TOX: variants seen among roughly 807,000 people sequenced by gnomAD.
The protein encoded by TOX is thymocyte selection associated high mobility group box, also known as thymocyte selection-associated high mobility group box protein TOX.
TOX carries 11 observed loss-of-function variants against 53.7 expected under a neutral mutation model. The observed-to-expected ratio is 0.20, with a 90% CI of 0.13 to 0.34. The LOEUF (loss-of-function observed/expected upper bound fraction) is 0.34. Ranked by LOEUF, TOX falls within the 10% of genes least tolerant of loss-of-function variation. TOX has a pLI of 1.00. For missense variants in TOX, 570 were observed against 664.6 expected, an observed-to-expected ratio of 0.86 and a Z score of 1.56; for synonymous variants, 225 against 245.3, an observed-to-expected ratio of 0.92 and a Z score of 0.77.
chr8:59,072,976 T>C (rs191953124), intron 1 of TOX, among the ~76,000 whole-genome samples: 30 of 152,318 alleles, frequency 2.0e-4, no homozygotes, highest in African/African-American at 4.6e-4. Flanking sequence ...ACATCAAATA[T>C]GTGACAGGGC....
intron 1 of TOX, among the ~76,000 whole-genome samples, chr8:58,962,372 T>C (rs1347818906): frequency 6.6e-6 from 1 of 152,216 alleles, no homozygotes; most frequent in Non-Finnish European, 1.5e-5. Context: ...ATGTATTAAC[T>C]GATTTAAGCA....
chr8:58,906,215 A>G (rs1811812188), intron 3 of TOX, among the ~76,000 whole-genome samples: 2 of 152,218 alleles, frequency 1.3e-5, no homozygotes, highest in Admixed American at 1.3e-4. Context: ...CATGTCTACT[A>G]TAAGGGCCAC....
chr8:59,049,445 C>T (rs1009150143), intron 1 of TOX, among the ~76,000 whole-genome samples: 1 of 152,104 alleles, frequency 6.6e-6, no homozygotes, highest in Admixed American at 6.5e-5. Context: ...ACTTCAATAT[C>T]TTGTTGTATT....
intron 3 of TOX, among the ~76,000 whole-genome samples, chr8:58,857,479 A>G (rs1810934702): frequency 6.6e-6 from 1 of 152,180 alleles, no homozygotes; most frequent in Admixed American, 6.5e-5. Context: ...ATTGATGACC[A>G]TTGTCAATTA....
intron 2 of TOX, among the ~76,000 whole-genome samples, chr8:58,959,721 C>T (rs1041773451): frequency 2.6e-5 from 4 of 152,212 alleles, no homozygotes; most frequent in Admixed American, 6.5e-5. Flanking sequence ...AGCTGCCTGA[C>T]GTTCTGGAGA....
intron 4 of TOX, among the ~76,000 whole-genome samples, chr8:58,843,280 C>T (rs1810674297): frequency 6.6e-6 from 1 of 152,182 alleles, no homozygotes; most frequent in African/African-American, 2.4e-5. Flanking sequence ...AAAGGATACA[C>T]ATAAAATATT....
At chr8:58,974,259 A>G (rs1585934980) in intron 1 of TOX, among the ~76,000 whole-genome samples, 1 of 152,204 alleles carries the variant, frequency 6.6e-6, no homozygotes, top group African/African-American at 2.4e-5. Flanking sequence ...CACTGCCCAG[A>G]CCCTGTAGAA....
chr8:59,060,120 T>G (rs1258016623), intron 1 of TOX, among the ~76,000 whole-genome samples: 2 of 152,216 alleles, frequency 1.3e-5, no homozygotes, highest in Admixed American at 6.5e-5. Flanking sequence ...TGCTATTACC[T>G]TATCATTTTA....
intron 6 of TOX, among the ~76,000 whole-genome samples, chr8:58,817,336 G>A (rs1199780138): frequency 6.6e-6 from 1 of 151,586 alleles, no homozygotes; most frequent in Non-Finnish European, 1.5e-5. Flanking sequence ...TTAAGGGGAG[G>A]TTTTAGATCA....
At chr8:59,077,650 G>T (rs181689660) in intron 1 of TOX, among the ~76,000 whole-genome samples, 1 of 152,180 alleles carries the variant, frequency 6.6e-6, no homozygotes, top group African/African-American at 2.4e-5. Context: ...GAAGGTTCCA[G>T]ATAGCCTTGA....
intron 3 of TOX, among the ~76,000 whole-genome samples, chr8:58,897,493 T>A (rs761295139): frequency 2.4e-4 from 36 of 152,214 alleles, no homozygotes; most frequent in Admixed American, 3.9e-4. Context: ...AAGAGAAATT[T>A]ATCACTCAAA....
At chr8:59,078,177 C>T (rs1804328430) in intron 1 of TOX, among the ~76,000 whole-genome samples, 1 of 152,194 alleles carries the variant, frequency 6.6e-6, no homozygotes, top group Non-Finnish European at 1.5e-5. Context: ...CTTTATAACA[C>T]AGCAGAGATG....
At chr8:58,941,369 A>C (rs952474050) in intron 2 of TOX, among the ~76,000 whole-genome samples, 37 of 152,310 alleles carry the variant, frequency 2.4e-4, no homozygotes, top group African/African-American at 8.9e-4. Flanking sequence ...TATTACCCCC[A>C]GTTTCCTGAA....
chr8:58,831,601 A>T (rs1307178053), intron 5 of TOX, among the ~76,000 whole-genome samples: 1 of 152,296 alleles, frequency 6.6e-6, no homozygotes, highest in Non-Finnish European at 1.5e-5. Flanking sequence ...CTGGTGTCAA[A>T]TGTTCCATCT....
intron 6 of TOX, among the ~76,000 whole-genome samples, chr8:58,825,428 T>C (rs1451705589): frequency 6.6e-6 from 1 of 152,196 alleles, no homozygotes; most frequent in Non-Finnish European, 1.5e-5. Flanking sequence ...TGAAACTGAA[T>C]AGTAAGAAAA....
chr8:58,902,076 A>G (rs1377210434), intron 3 of TOX, among the ~76,000 whole-genome samples: 1 of 152,164 alleles, frequency 6.6e-6, no homozygotes, highest in Non-Finnish European at 1.5e-5. Context: ...ACATATCTCC[A>G]TATTTTATAA....
At chr8:59,116,177 C>T (rs1805095995) in intron 1 of TOX, among the ~76,000 whole-genome samples, 1 of 152,090 alleles carries the variant, frequency 6.6e-6, no homozygotes, top group Non-Finnish European at 1.5e-5. Context: ...TTTAAATAAG[C>T]AAAGTGTTGA....
At chr8:58,961,094 G>A (rs1812789122) in intron 1 of TOX, among the ~76,000 whole-genome samples, 1 of 152,146 alleles carries the variant, frequency 6.6e-6, no homozygotes, top group South Asian at 2.1e-4. Flanking sequence ...AAAAAATGGT[G>A]TTATATAAGA....
chr8:58,950,296 T>A (rs1232554973), intron 2 of TOX, among the ~76,000 whole-genome samples: 1 of 152,234 alleles, frequency 6.6e-6, no homozygotes, highest in Non-Finnish European at 1.5e-5. Context: ...CAATCATTTT[T>A]ATTTTGTCTC....
Sources: gnomAD v4.1 joint callset for allele counts (sites outside exome capture counted in the v4.1 genomes callset) on GRCh38, gnomAD v4.1.1 for gene constraint, MANE v1.5 for transcripts, NCBI Gene and HGNC (gene_info 2026-07-23, HGNC 2026-07-21) for gene names.